The following GYG1 variants were observed in gnomAD, a reference collection of about 807,000 sequenced individuals.
GYG1 encodes glycogenin-1.
A neutral mutation model predicts 41.9 loss-of-function variants in GYG1; 44 were observed. The ratio of observed to expected loss-of-function variants is 1.05; its 90% CI spans 0.83 to 1.35. The LOEUF is 1.35. GYG1 is among the 40% of genes most tolerant of loss of function. The probability of loss-of-function intolerance (pLI) is 0.00; values close to 1 mark genes in which losing one functional copy is unlikely to be tolerated. For synonymous variants in GYG1, 141 were observed against 158.1 expected, an observed-to-expected ratio of 0.89 and a Z score of 0.81; for missense variants, 429 against 418.9, an observed-to-expected ratio of 1.02 and a Z score of -0.21.
chr3:148,994,067 T>C (rs923609653), intron 1 of GYG1, 75 bp from the exon 2 acceptor site: 1 of 1,341,318 alleles, frequency 7.5e-7, no homozygotes, highest in South Asian at 1.2e-5. Flanking sequence ...AATTACTGTT[T>C]GAATGGGTTC....
intron 4 of GYG1, among the ~76,000 whole-genome samples, chr3:149,003,681 G>T (rs919729004): frequency 6.6e-6 from 1 of 152,112 alleles, no homozygotes; most frequent in Non-Finnish European, 1.5e-5. Context: ...GGTCTGGGGT[G>T]GGGCTCAACA....
intron 2 of GYG1, 115 bp downstream of exon 2, chr3:148,994,392 G>C (rs1216857539): frequency 3.6e-6 from 4 of 1,105,462 alleles, no homozygotes; most frequent in Non-Finnish European, 5.6e-6. Flanking sequence ...ACCGGGTAGA[G>C]AAAAATGAGA....
intron 5 of GYG1, among the ~76,000 whole-genome samples, chr3:149,019,934 G>C (rs1714277654): frequency 6.6e-6 from 1 of 152,242 alleles, no homozygotes; most frequent in South Asian, 2.1e-4. Flanking sequence ...CAGAGGCTCA[G>C]GTGTATATTC....
intron 4 of GYG1, among the ~76,000 whole-genome samples, chr3:149,000,567 G>A (rs970515931): frequency 1.3e-5 from 2 of 152,174 alleles, no homozygotes; most frequent in African/African-American, 2.4e-5. Flanking sequence ...GCAAGTTGAG[G>A]TTTATTTTCT....
At position 149,009,542 on chromosome 3, in the gene GYG1, G is replaced by A. The variant is rs1487696127; in HGVS notation, c.608+140G>A. 3.4e-6 allele frequency: 3 copies of A among 885,022 alleles called. No homozygotes were observed. In the Admixed American group the frequency reaches 5.3e-5, roughly 16 times the overall value. The allele number at this position is 885,022 out of a possible 1,614,324, so 54.8% of individuals were successfully genotyped here. A position where few individuals can be genotyped will look rare whatever the true frequency, so the allele number is the denominator to read the frequency against. On this transcript the variant is annotated intron_variant, in intron 5 of 7. Coordinates refer to ENST00000345003, the MANE Select transcript of GYG1 (RefSeq NM_004130.4). ...GGAAAGTTTCTCTTGTAAGAACCGT[G>A]GCTGCAATGGGGAGAGGCCTTGATG...
chr3:148,996,152 T>C, intron 2 of GYG1, 150 bp from the exon 3 acceptor site: 1 of 675,494 alleles, frequency 1.5e-6, no homozygotes, highest in Non-Finnish European at 2.6e-6. Context: ...TGGAGTAAAA[T>C]TAGAACAGAT....
At chr3:148,992,509 T>TA (rs1246971806) in intron 1 of GYG1, 1 of 152,288 alleles carries the variant, frequency 6.6e-6, no homozygotes, top group Non-Finnish European at 1.5e-5. Flanking sequence ...ATCCCTTATT[T>TA]AATCTTGGAA....
chr3:148,993,576 G>A (rs1712612840), intron 1 of GYG1, among the ~76,000 whole-genome samples: 1 of 152,076 alleles, frequency 6.6e-6, no homozygotes, highest in Non-Finnish European at 1.5e-5. Context: ...CCTGGAGTTC[G>A]AGGCTGCAGT....
chr3:149,017,153 A>G (rs1292801130), intron 5 of GYG1, among the ~76,000 whole-genome samples: 1 of 152,214 alleles, frequency 6.6e-6, no homozygotes, highest in Non-Finnish European at 1.5e-5. Flanking sequence ...CTAGTCATGA[A>G]AATTCTATCT....
intron 1 of GYG1, among the ~76,000 whole-genome samples, chr3:148,991,917 GCT>G (rs1461943867): frequency 6.6e-6 from 1 of 152,112 alleles, no homozygotes; most frequent in Admixed American, 6.5e-5. Flanking sequence ...CCTTCCTCTT[GCT>G]CTCACGGCGA....
In GYG1 at chr3:149,028,962, C is replaced by T. The variant is rs566263605; in HGVS notation, c.*2029C>T. Among the ~76,000 whole-genome samples the T allele has an allele frequency of 1.3e-5, 2 of 152,266 alleles. No individual in the cohort carries two copies. The highest frequency in any genetic ancestry group is 3.9e-4 in the East Asian group (2 of 5,184). On this transcript the variant is annotated 3_prime_UTR_variant, in exon 8 of 8. Coordinates refer to ENST00000345003, the MANE Select transcript of GYG1 (RefSeq NM_004130.4). The stretch of plus-strand genomic sequence containing the variant: ...TCAATCTCTTGACCTCGTGATCCAC[C>T]GGCCTTGGCCTCCCAAAGTGCTGGG...
At chr3:149,004,068 G>C (rs1713258577) in intron 4 of GYG1, 1 of 152,226 alleles carries the variant, frequency 6.6e-6, no homozygotes, top group African/African-American at 2.4e-5. Context: ...CACAGCATTT[G>C]CATTTGGGCA....
chr3:149,013,733 G>T (rs1713864584), intron 5 of GYG1, among the ~76,000 whole-genome samples: 1 of 152,146 alleles, frequency 6.6e-6, no homozygotes, highest in Non-Finnish European at 1.5e-5. Flanking sequence ...AACCTTCAGT[G>T]TTGTGAATTC....
intron 5 of GYG1, among the ~76,000 whole-genome samples, chr3:149,016,990 G>A (rs1229881284): frequency 6.6e-6 from 1 of 152,210 alleles, no homozygotes; most frequent in Non-Finnish European, 1.5e-5. Context: ...AAGCAGTGCC[G>A]TCTTTCTCGG....
intron 5 of GYG1, among the ~76,000 whole-genome samples, chr3:149,018,624 A>G (rs1022305554): frequency 3.9e-5 from 6 of 152,004 alleles, no homozygotes; most frequent in Admixed American, 1.3e-4. Flanking sequence ...CCCACCCCCA[A>G]AGGGCTCTTG....
chr3:149,022,416 C>A (rs192002757), intron 5 of GYG1, among the ~76,000 whole-genome samples: 1 of 151,762 alleles, frequency 6.6e-6, no homozygotes, highest in African/African-American at 2.4e-5. Flanking sequence ...CTTCGCCTTT[C>A]CCCCAGAGGT....
intron 4 of GYG1, among the ~76,000 whole-genome samples, chr3:148,997,533 G>A (rs1712877928): frequency 6.6e-6 from 1 of 152,130 alleles, no homozygotes; most frequent in Admixed American, 6.6e-5. Flanking sequence ...GGTTCTGTCT[G>A]TGATATAGGG....
At chr3:148,994,384 C>A in intron 2 of GYG1, 107 bp downstream of exon 2, 2 of 1,208,546 alleles carry the variant, frequency 1.7e-6, no homozygotes, top group Non-Finnish European at 2.5e-6. Context: ...AATTGAGCAC[C>A]GGGTAGAGAA....
intron 7 of GYG1, 24 bp from the exon 8 acceptor site, chr3:149,026,736 A>C (rs766060679): frequency 6.8e-7 from 1 of 1,478,822 alleles, no homozygotes; most frequent in South Asian, 1.1e-5. Context: ...GCTCTCATAG[A>C]GTCAATTATG....
Sources: gnomAD v4.1 joint callset for allele counts (sites outside exome capture counted in the v4.1 genomes callset) on GRCh38, gnomAD v4.1.1 for gene constraint, MANE v1.5 for transcripts, NCBI Gene and HGNC (gene_info 2026-07-23, HGNC 2026-07-21) for gene names.